The following SAMD4A variants were observed in gnomAD, a reference collection of about 807,000 sequenced individuals.
SAMD4A encodes protein Smaug homolog 1.
In SAMD4A, 33 loss-of-function variants were observed where a neutral mutation model predicts 81.3. The observed-to-expected ratio is 0.41, with a 90% CI of 0.31 to 0.54. The LOEUF (loss-of-function observed/expected upper bound fraction) is 0.54. SAMD4A is among the 20% of genes least tolerant of loss of function. The probability of loss-of-function intolerance (pLI) is 0.37; values close to 1 mark genes in which losing one functional copy is unlikely to be tolerated. For synonymous variants in SAMD4A, 389 were observed against 382.1 expected (o/e 1.02, Z -0.21); for missense variants, 854 against 951.1 (o/e 0.90, Z 1.34).
rs201061646 is a variant in SAMD4A at position 54,723,722 on chromosome 14, AC to A, written c.716-13301del. On this transcript the variant is annotated intron_variant, in intron 3 of 12. Coordinates refer to ENST00000554335, the MANE Select transcript of SAMD4A (RefSeq NM_015589.6). ...GATGGCTTAATAAATGATAGAAAAT[AC>A]TGTTTGCATCTGTGCAGCCTTGTTT... 1.1e-4 allele frequency among the ~76,000 whole-genome samples: 17 copies of A among 149,730 alleles called. No individual in the cohort carries two copies. The East Asian group carries it at 3.5e-3, about 31-fold the overall frequency.
intron 2 of SAMD4A, among the ~76,000 whole-genome samples, chr14:54,670,026 C>T (rs376774666): frequency 6.6e-6 from 1 of 152,160 alleles, no homozygotes; most frequent in Non-Finnish European, 1.5e-5. Context: ...TTTGTGGCCA[C>T]GTTGTGAACG....
At chr14:54,711,114 A>T (rs577000618) in intron 3 of SAMD4A, among the ~76,000 whole-genome samples, 5 of 152,300 alleles carry the variant, frequency 3.3e-5, no homozygotes, top group South Asian at 4.1e-4. Context: ...GACTTAATAA[A>T]TTCCTGAGCT....
At chr14:54,569,606 C>T (rs997984317) in intron 2 of SAMD4A, among the ~76,000 whole-genome samples, 45 of 152,236 alleles carry the variant, frequency 3.0e-4, no homozygotes, top group African/African-American at 1.1e-3. Flanking sequence ...GGTGTGGAAG[C>T]ATAATTGGGT....
Position 54,788,899 on chromosome 14 carries a change from G to A in SAMD4A, c.2129-17G>A, listed in dbSNP as rs533151633. 712 of 1,614,210 alleles carry A rather than the reference G, an allele frequency of 4.4e-4. 9 individuals carry two copies. The South Asian group carries it at 7.2e-3, about 16-fold the overall frequency. ...TTTTGCTCACCTGTGCCCATCGTTTGCTGCTTTCTCTCCCAGACGGGGTTG... is the reference window on the plus strand; with the variant it reads ...TTTTGCTCACCTGTGCCCATCGTTTACTGCTTTCTCTCCCAGACGGGGTTG... On this transcript the variant is annotated splice_polypyrimidine_tract_variant and intron_variant, in intron 12 of 12. Coordinates refer to ENST00000554335, the MANE Select transcript of SAMD4A (RefSeq NM_015589.6).
At chr14:54,655,642 G>A (rs1038061425) in intron 2 of SAMD4A, among the ~76,000 whole-genome samples, 10 of 152,186 alleles carry the variant, frequency 6.6e-5, no homozygotes, top group Admixed American at 5.2e-4. Context: ...GGAGGCTGAG[G>A]CAGGAGAATC....
At chr14:54,573,495 C>T (rs2033194942) in intron 2 of SAMD4A, among the ~76,000 whole-genome samples, 1 of 152,022 alleles carries the variant, frequency 6.6e-6, no homozygotes, top group Admixed American at 6.5e-5. Flanking sequence ...TCTCCTTGAC[C>T]CAAGGAGAAA....
At chr14:54,682,618 A>G (rs1053818138) in intron 2 of SAMD4A, among the ~76,000 whole-genome samples, 2 of 152,228 alleles carry the variant, frequency 1.3e-5, no homozygotes, top group African/African-American at 4.8e-5. Context: ...TCCAAAAAGT[A>G]TTCAAGAGGG....
rs992265062 is a variant in SAMD4A at position 54,793,107 on chromosome 14, T to C, written c.*4163T>C. Reference sequence around the variant, plus strand: ...GTTACATGTAAAAGCTTTACTGATATACAGATATACTAATGTTTGAAGATG... The same window carrying C: ...GTTACATGTAAAAGCTTTACTGATACACAGATATACTAATGTTTGAAGATG... On this transcript the variant is annotated 3_prime_UTR_variant, in exon 13 of 13. Coordinates refer to ENST00000554335, the MANE Select transcript of SAMD4A (RefSeq NM_015589.6). 9.2e-5 allele frequency: 14 copies of C among 152,268 alleles called. No individual in the cohort carries two copies. Among genetic ancestry groups the C allele is most frequent in the African/African-American group, 1.9e-4 (8 of 41,472 alleles). 9.4% of individuals were successfully genotyped at this position (152,268 alleles called of 1,614,324 possible).
chr14:54,704,841 C>G (rs2036812092), intron 3 of SAMD4A, among the ~76,000 whole-genome samples: 1 of 152,232 alleles, frequency 6.6e-6, no homozygotes. Context: ...CTGTACTCCT[C>G]TGTGTTGCCT....
intron 3 of SAMD4A, among the ~76,000 whole-genome samples, chr14:54,710,352 T>A (rs1431700817): frequency 6.6e-6 from 1 of 152,182 alleles, no homozygotes; most frequent in African/African-American, 2.4e-5. Flanking sequence ...TTAAAACCCT[T>A]TACATAAATA....
intron 7 of SAMD4A, among the ~76,000 whole-genome samples, chr14:54,763,439 C>T (rs1026564894): frequency 1.3e-5 from 2 of 152,114 alleles, no homozygotes; most frequent in African/African-American, 4.8e-5. Context: ...TTAAAGATGG[C>T]ATACTATTCC....
intron 11 of SAMD4A, among the ~76,000 whole-genome samples, chr14:54,779,565 A>G (rs2038947032): frequency 6.6e-6 from 1 of 152,188 alleles, no homozygotes; most frequent in Non-Finnish European, 1.5e-5. Flanking sequence ...TCAATTCATC[A>G]GTCACCTTGC....
chr14:54,733,869 C>CTT (rs2037623060), intron 3 of SAMD4A, among the ~76,000 whole-genome samples: 1 of 151,844 alleles, frequency 6.6e-6, no homozygotes, highest in Non-Finnish European at 1.5e-5. Flanking sequence ...ATATGACCCT[C>CTT]TGTTTGTCAT....
At chr14:54,705,832 T>C (rs192589488) in intron 3 of SAMD4A, among the ~76,000 whole-genome samples, 28 of 152,342 alleles carry the variant, frequency 1.8e-4, no homozygotes, top group African/African-American at 6.3e-4. Context: ...AGATATGATA[T>C]ATGAATCAGT....
At chr14:54,785,286 A>C (rs915124615) in intron 12 of SAMD4A, among the ~76,000 whole-genome samples, 1 of 152,220 alleles carries the variant, frequency 6.6e-6, no homozygotes, top group Non-Finnish European at 1.5e-5. Flanking sequence ...CAGCTCACAG[A>C]AGCATCTGTG....
At chr14:54,617,900 G>GA (rs1452703144) in intron 2 of SAMD4A, among the ~76,000 whole-genome samples, 1 of 152,080 alleles carries the variant, frequency 6.6e-6, no homozygotes, top group African/African-American at 2.4e-5. Context: ...ACACTGGTTG[G>GA]AAAAAAACTC....
In SAMD4A at chr14:54,613,403, C is replaced by T. The variant is rs145565623; in HGVS notation, c.196+45291C>T. 3.2e-3 allele frequency among the ~76,000 whole-genome samples: 482 copies of T among 152,180 alleles called. 4 individuals carry two copies. The highest frequency in any genetic ancestry group is 0.01 in the Middle Eastern group (3 of 294). On this transcript the variant is annotated intron_variant, in intron 2 of 12. Transcript: ENST00000554335. ...AAGTAGGTTCATTGTGTGTGATATG[C>T]CAGGCTGGTTTAAAGGGCTAGGGCT...
chr14:54,726,064 A>G (rs192542729), intron 3 of SAMD4A, among the ~76,000 whole-genome samples: 2 of 152,156 alleles, frequency 1.3e-5, no homozygotes, highest in Admixed American at 6.6e-5. Context: ...GTTGATGCCA[A>G]TGCTACCTGT....
At position 54,767,280 on chromosome 14, in the gene SAMD4A, C is replaced by T. The variant is rs148227911; in HGVS notation, c.1596+2740C>T. Among the ~76,000 whole-genome samples the T allele has an allele frequency of 2.5e-3, 384 of 152,308 alleles. 1 individual carries two copies. Among genetic ancestry groups the T allele is most frequent in the Non-Finnish European group, 4.2e-3 (284 of 68,024 alleles). On this transcript the variant is annotated intron_variant, in intron 8 of 12. Transcript: ENST00000554335. ...TTCACCCGGGCACAGAGAGACAGGA[C>T]GCCCCTTCATAGCCCGGACACGCTG...
Sources: allele counts gnomAD v4.1 joint callset (sites outside exome capture counted in the v4.1 genomes callset), GRCh38; gene constraint gnomAD v4.1.1; transcripts MANE v1.5; gene names NCBI Gene and HGNC (gene_info 2026-07-23, HGNC 2026-07-21).